Variants in QRICH1 observed in about 807,000 individuals in gnomAD.
QRICH1 encodes the protein glutamine rich 1, also known as transcriptional regulator QRICH1.
A neutral mutation model predicts 87.1 loss-of-function variants in QRICH1; 16 were observed. That is an observed-to-expected ratio of 0.18 (90% CI 0.12 to 0.28). The LOEUF (loss-of-function observed/expected upper bound fraction) is 0.28, where lower values mean the gene tolerates loss of function less well. Among genes scored for constraint, QRICH1 ranks in the 10% least tolerant of loss-of-function variants. The probability of loss-of-function intolerance (pLI) is 1.00; values close to 1 mark genes in which losing one functional copy is unlikely to be tolerated. For synonymous variants in QRICH1, 367 were observed against 368.4 expected, an observed-to-expected ratio of 1.00 and a Z score of 0.05; for missense variants, 647 against 951.7, an observed-to-expected ratio of 0.68 and a Z score of 4.21.
In QRICH1 at chr3:49,030,022, G is replaced by T; in HGVS notation, c.*430C>A. Reference sequence around the variant, plus strand: ...AAGTTTATGTCTGATCATGAAGAAAGAAAAGAACATCGTTCCCCTGTGGTC... The same window carrying T: ...AAGTTTATGTCTGATCATGAAGAAATAAAAGAACATCGTTCCCCTGTGGTC... On this transcript the variant is annotated 3_prime_UTR_variant, in exon 10 of 10. Coordinates refer to ENST00000395443, the MANE Select transcript of QRICH1 (RefSeq NM_198880.3). 1 of 253,476 alleles carries T rather than the reference G, an allele frequency of 3.9e-6. No homozygotes were observed. The highest frequency in any genetic ancestry group is 7.5e-6 in the Non-Finnish European group (1 of 134,194). The allele number at this position is 253,476 out of a possible 1,614,324, so 15.7% of individuals were successfully genotyped here.
At chr3:49,047,464 G>A (rs907478238) in intron 3 of QRICH1, among the ~76,000 whole-genome samples, 1 of 151,212 alleles carries the variant, frequency 6.6e-6, no homozygotes, top group Non-Finnish European at 1.5e-5. Context: ...CTCAGCCTTG[G>A]CTGCACTTTT....
intron 1 of QRICH1, among the ~76,000 whole-genome samples, chr3:49,081,630 G>A (rs7616309): frequency 6.6e-6 from 1 of 152,036 alleles, no homozygotes; most frequent in Admixed American, 6.6e-5. Context: ...CCGCCCAAGC[G>A]GCTGGGACTA....
intron 1 of QRICH1, among the ~76,000 whole-genome samples, chr3:49,078,386 CTTTTTTTTTTTT>C (rs60933196): frequency 5.0e-4 from 35 of 69,846 alleles, no homozygotes; most frequent in South Asian, 1.3e-3. Context: ...ATTATGGTTC[CTTTTTTTTTTTT>C]TTTTTTTTTT....
chr3:49,075,076 C>T (rs931780562), intron 2 of QRICH1, among the ~76,000 whole-genome samples: 1 of 151,448 alleles, frequency 6.6e-6, no homozygotes, highest in African/African-American at 2.4e-5. Flanking sequence ...AATCTCAGCT[C>T]TTTGGGAGGC....
intron 3 of QRICH1, among the ~76,000 whole-genome samples, chr3:49,049,622 C>A (rs927854644): frequency 1.3e-5 from 2 of 151,800 alleles, no homozygotes; most frequent in African/African-American, 4.8e-5. Flanking sequence ...CTCAGCCTCC[C>A]GAGTAGCTGG....
intron 1 of QRICH1, among the ~76,000 whole-genome samples, chr3:49,080,693 G>C (rs927048554): frequency 6.6e-6 from 1 of 151,918 alleles, no homozygotes; most frequent in Non-Finnish European, 1.5e-5. Flanking sequence ...CTGATATTAA[G>C]TGTAAAGGAT....
At chr3:49,094,187 G>A (rs1411651119), upstream of QRICH1, 1 of 392,440 alleles carries the variant, frequency 2.5e-6, no homozygotes, top group African/African-American at 2.1e-5. Context: ...CCGCGCTTCT[G>A]GCCGCTAGAG....
intron 6 of QRICH1, among the ~76,000 whole-genome samples, chr3:49,035,911 CAA>C (rs761180733): frequency 5.0e-5 from 3 of 60,036 alleles, no homozygotes; most frequent in African/African-American, 1.6e-4. Context: ...CCCATTTCTA[CAA>C]AAAAAAAAAA....
chr3:49,039,657 A>G (rs1435326298), intron 6 of QRICH1, among the ~76,000 whole-genome samples: 1 of 151,400 alleles, frequency 6.6e-6, no homozygotes, highest in Non-Finnish European at 1.5e-5. Context: ...TGGATAAAGT[A>G]TCTGGAATTT....
chr3:49,049,487 A>AT (rs545307981), intron 3 of QRICH1, among the ~76,000 whole-genome samples: 81 of 152,144 alleles, frequency 5.3e-4, no homozygotes, highest in Non-Finnish European at 1.1e-3. Flanking sequence ...TAATGTTAAA[A>AT]TATTTCCAAC....
intron 2 of QRICH1, among the ~76,000 whole-genome samples, chr3:49,062,872 T>C (rs13099075): frequency 0.82 from 124,012 of 151,538 alleles, 51,101 homozygotes; most frequent in East Asian, 1. Flanking sequence ...TGGTGACGGG[T>C]GCCTGTAGTC....
chr3:49,032,618 C>G lies in QRICH1; in HGVS notation c.2047+4G>C, dbSNP rs1397793488. On this transcript the variant is annotated splice_donor_region_variant and intron_variant, in intron 8 of 9. Coordinates refer to ENST00000395443, the MANE Select transcript of QRICH1 (RefSeq NM_198880.3). ...TTTTTGCCATCCCTGCCTCCTTTCCCTACCTTTCTGGCCAGTCTGGTGTAT... is the reference window on the plus strand; with the variant it reads ...TTTTTGCCATCCCTGCCTCCTTTCCGTACCTTTCTGGCCAGTCTGGTGTAT... 6.4e-7 allele frequency: 1 copy of G among 1,566,202 alleles called. No homozygotes were observed. Among genetic ancestry groups the G allele is most frequent in the Non-Finnish European group, 8.7e-7 (1 of 1,155,816 alleles).
At position 49,066,015 on chromosome 3, in the gene QRICH1, T is replaced by C. The variant is rs890595968; in HGVS notation, c.310-8125A>G. ...GTGAATCACTTCTGGCCAGGAATGG[T>C]AGCTCATGCCTGTAACCTCAGCACT... is the stretch of plus-strand genomic sequence containing the variant. On this transcript the variant is annotated intron_variant, in intron 2 of 9. Transcript: ENST00000395443. Among the ~76,000 whole-genome samples, 8 of 152,106 alleles carry C rather than the reference T, an allele frequency of 5.3e-5. No individual in the cohort carries two copies. The East Asian group carries it at 1.4e-3, about 26-fold the overall frequency.
Position 49,056,945 on chromosome 3 carries a change from G to C in QRICH1, c.1255C>G (p.Gln419Glu). 2.5e-6 allele frequency: 4 copies of C among 1,614,160 alleles called. No individual in the cohort carries two copies. Among genetic ancestry groups the C allele is most frequent in the Non-Finnish European group, 3.4e-6 (4 of 1,180,016 alleles). The change falls in exon 3 of 10, where the codon CAA (glutamine) becomes GAA (glutamate). Residue 419 changes from glutamine (Q) to glutamate (E), a missense_variant. Physicochemically the swap from Gln to Glu is conservative, Grantham distance 29. This residue lies in a region of QRICH1 where 115 missense variants were observed against 126.8 expected (regional missense o/e 0.91). Transcript: ENST00000395443. ...GGAGTTTGCTGCTGCGGCTGCTGTT[G>C]GGGGTCCCATATATGGACAGTTTGA... ...TAQTVHIWDP[Q>E]QQPQQQTPQE...
At chr3:49,069,543 A>ATTTTT (rs372639913) in intron 2 of QRICH1, among the ~76,000 whole-genome samples, 2 of 122,786 alleles carry the variant, frequency 1.6e-5, no homozygotes, top group Non-Finnish European at 3.3e-5. Flanking sequence ...ATGGGGGGGA[A>ATTTTT]TTTTTTTTTT....
intron 2 of QRICH1, among the ~76,000 whole-genome samples, chr3:49,070,529 T>C (rs2093494879): frequency 6.6e-6 from 1 of 152,096 alleles, no homozygotes; most frequent in African/African-American, 2.4e-5. Context: ...AACTTCGAAC[T>C]CCTGGGCCCA....
At chr3:49,079,990 C>T (rs1048155206) in intron 1 of QRICH1, among the ~76,000 whole-genome samples, 2 of 149,598 alleles carry the variant, frequency 1.3e-5, no homozygotes, top group Non-Finnish European at 2.9e-5. Flanking sequence ...GATCGTGCCA[C>T]TGCGCTCCAG....
At chr3:49,064,132 TGTTG>T (rs1438469171) in intron 2 of QRICH1, among the ~76,000 whole-genome samples, 1 of 151,950 alleles carries the variant, frequency 6.6e-6, no homozygotes, top group Admixed American at 6.6e-5. Context: ...AGTTTCTCCA[TGTTG>T]GTCAGGCTGG....
rs796531537 is a variant in QRICH1 at position 49,040,267 on chromosome 3, C to T, written c.1786+4123G>A. ...GTCTCTGTTCCAACAATAGCCCTCC[C>T]TTGTAATACTCTTAACACTTTCCAT... On this transcript the variant is annotated intron_variant, in intron 6 of 9. Transcript: ENST00000395443. Among the ~76,000 whole-genome samples the T allele has an allele frequency of 3.3e-5, 5 of 152,330 alleles. No homozygotes were observed. The East Asian group carries it at 7.7e-4, about 23-fold the overall frequency.
Sources: gnomAD v4.1 joint callset for allele counts (sites outside exome capture counted in the v4.1 genomes callset) on GRCh38, gnomAD v4.1.1 for gene constraint, gnomAD v4.1.1 regional missense constraint, MANE v1.5 for transcripts, NCBI Gene and HGNC (gene_info 2026-07-23, HGNC 2026-07-21) for gene names.